TAAR2: variants seen among roughly 807,000 people sequenced by gnomAD.
TAAR2 encodes trace amine associated receptor 2.
TAAR2 carries 30 observed loss-of-function variants against 25.5 expected under a neutral mutation model. That is an observed-to-expected ratio of 1.18 (90% CI 0.88 to 1.60). The LOEUF (loss-of-function observed/expected upper bound fraction) is 1.60. TAAR2 is among the 40% of genes most tolerant of loss of function. The pLI is 0.00. For missense variants in TAAR2, 481 were observed against 416.5 expected (o/e 1.15, Z -1.35); for synonymous variants, 150 against 142.4 (o/e 1.05, Z -0.38).
chr6:132,620,668 C>G (rs1348454837), intron 1 of TAAR2, among the ~76,000 whole-genome samples: 3 of 152,012 alleles, frequency 2.0e-5, no homozygotes, highest in African/African-American at 7.3e-5. Flanking sequence ...GAAAAGATAA[C>G]TATTGGGTAC....
At chr6:132,620,117 G>A (rs1166421511) in intron 1 of TAAR2, among the ~76,000 whole-genome samples, 3 of 152,154 alleles carry the variant, frequency 2.0e-5, no homozygotes, top group Admixed American at 1.3e-4. Context: ...TTAAATTAAA[G>A]TAATTAAGTT....
At position 132,617,960 on chromosome 6, in the gene TAAR2, G is replaced by A. The variant is rs907058947; in HGVS notation, c.246C>T (p.Ile82=). Residue 82 remains isoleucine (I), a synonymous_variant, in exon 2 of 2, where the codon ATC becomes ATT. Transcript: ENST00000367931. ...GGAAATCAGTGATGGCCATGGAGAG[G>A]ATGAGGAAGTTGGTTGGTGTGTGAA... The part of the protein sequence containing the change: ...KQLHTPTNFL[I]LSMAITDFLL... The A allele has an allele frequency of 6.2e-7, 1 of 1,614,048 alleles. No homozygotes were observed. Among genetic ancestry groups the A allele is most frequent in the South Asian group, 1.1e-5 (1 of 91,080 alleles).
At chr6:132,621,518 G>T (rs1458035031) in intron 1 of TAAR2, among the ~76,000 whole-genome samples, 1 of 151,932 alleles carries the variant, frequency 6.6e-6, no homozygotes, top group African/African-American at 2.4e-5. Context: ...TGTGGTGTTT[G>T]GTTTTCTGTT....
intron 1 of TAAR2, among the ~76,000 whole-genome samples, chr6:132,619,341 G>A (rs80327541): frequency 6.6e-6 from 1 of 152,276 alleles, no homozygotes; most frequent in Non-Finnish European, 1.5e-5. Context: ...AATGTAACAC[G>A]TTCATGAGTT....
chr6:132,617,734 G>A lies in TAAR2; in HGVS notation c.472C>T (p.Pro158Ser). 1 of 1,613,936 alleles carries A rather than the reference G, an allele frequency of 6.2e-7. No homozygotes were observed. The highest frequency in any genetic ancestry group is 8.5e-7 in the Non-Finnish European group (1 of 1,179,974). Reference protein sequence around the residue: ...PLLYSTKITIPVIKRLLLLCW... With the variant: ...PLLYSTKITISVIKRLLLLCW... ...AGAAGTAGCAATCTTTTAATGACTGGAATAGTTATTTTGGTGGAATAAAGT... is the reference window on the plus strand; with the variant it reads ...AGAAGTAGCAATCTTTTAATGACTGAAATAGTTATTTTGGTGGAATAAAGT... The change falls in exon 2 of 2, where the codon CCA becomes TCA. Residue 158 changes from proline (P) to serine (S), a missense_variant. Pro to Ser is a moderately conservative substitution (Grantham distance 74, BLOSUM62 -1). Coordinates refer to ENST00000367931, the MANE Select transcript of TAAR2 (RefSeq NM_001033080.1).
In TAAR2 at chr6:132,617,597, C is replaced by T. The variant is rs755317518; in HGVS notation, c.609G>A (p.Val203=). 9.3e-6 allele frequency: 15 copies of T among 1,614,034 alleles called. No individual in the cohort carries two copies. The South Asian group carries it at 1.1e-4, about 12-fold the overall frequency. The change falls in exon 2 of 2, where the codon GTG becomes GTA. Residue 203 remains valine (V), a synonymous_variant. Coordinates refer to ENST00000367931, the MANE Select transcript of TAAR2 (RefSeq NM_001033080.1). ...TGGTCCCCCATAGCTTGTTGAACATCACTGGGCAGGAACTGGAACAAGCAA... is the reference window on the plus strand; with the variant it reads ...TGGTCCCCCATAGCTTGTTGAACATTACTGGGCAGGAACTGGAACAAGCAA... ...ILVACSSSCP[V]MFNKLWGTTL... is the part of the protein sequence containing the mutation.
intron 1 of TAAR2, among the ~76,000 whole-genome samples, chr6:132,620,163 A>G (rs1777354279): frequency 6.6e-6 from 1 of 152,216 alleles, no homozygotes; most frequent in African/African-American, 2.4e-5. Context: ...TGAAATTAAA[A>G]GCTTCCTCCA....
intron 1 of TAAR2, among the ~76,000 whole-genome samples, chr6:132,621,356 C>A (rs577409035): frequency 9.9e-5 from 15 of 152,082 alleles, no homozygotes; most frequent in Admixed American, 3.9e-4. Flanking sequence ...GTCAACCCAC[C>A]TTCTAGGTTT....
At chr6:132,620,887 A>C (rs72987672) in intron 1 of TAAR2, among the ~76,000 whole-genome samples, 13,288 of 122,340 alleles carry the variant, frequency 0.11, 798 homozygotes, top group Non-Finnish European at 0.14. Context: ...GTCACACACA[A>C]AAAAAAAGAC....
chr6:132,623,781 A>G (rs1777408532), intron 1 of TAAR2, among the ~76,000 whole-genome samples: 1 of 151,744 alleles, frequency 6.6e-6, no homozygotes, highest in Non-Finnish European at 1.5e-5. Context: ...CCACTCCTCC[A>G]TCCTCCCAGG....
At chr6:132,618,410 CA>C (rs1405869613) in intron 1 of TAAR2, among the ~76,000 whole-genome samples, 2 of 152,086 alleles carry the variant, frequency 1.3e-5, no homozygotes. Flanking sequence ...GAGGTCGAGG[CA>C]GGGGGAGCAC....
intron 1 of TAAR2, among the ~76,000 whole-genome samples, chr6:132,621,787 T>A (rs1161695054): frequency 1.3e-5 from 2 of 152,160 alleles, no homozygotes; most frequent in Non-Finnish European, 1.5e-5. Context: ...GAATTCCTCA[T>A]ACACATGCCA....
Position 132,617,619 on chromosome 6 carries a change from G to A in TAAR2, c.587C>T (p.Ala196Val), listed in dbSNP as rs143686646. The A allele has an allele frequency of 1.2e-6, 2 of 1,613,982 alleles. No individual in the cohort carries two copies. The highest frequency in any genetic ancestry group is 1.1e-5 in the South Asian group (1 of 91,080). The stretch of plus-strand genomic sequence containing the variant: ...CATCACTGGGCAGGAACTGGAACAA[G>A]CAACCAAGATGTCATAGCCCTCTAT... Reference protein sequence around the residue: ...DGIEGYDILVACSSSCPVMFN... With the variant: ...DGIEGYDILVVCSSSCPVMFN... The change falls in exon 2 of 2, where the codon GCT (alanine) becomes GTT (valine). Residue 196 changes from alanine to valine, a missense_variant. Ala to Val is a moderately conservative substitution (Grantham distance 64). Transcript: ENST00000367931.
chr6:132,621,896 A>C (rs1485061937), intron 1 of TAAR2, among the ~76,000 whole-genome samples: 1 of 152,152 alleles, frequency 6.6e-6, no homozygotes, highest in Non-Finnish European at 1.5e-5. Flanking sequence ...TTTATTTGAC[A>C]TAGTTCTTTC....
chr6:132,620,830 T>C, intron 1 of TAAR2, among the ~76,000 whole-genome samples: 1 of 150,194 alleles, frequency 6.7e-6, no homozygotes, highest in East Asian at 2.0e-4. Context: ...CATTAAAAAG[T>C]AGGGGTTTCT....
Position 132,624,222 on chromosome 6 carries a change from T to TG in TAAR2, c.53dup (p.Glu21GlyfsTer7). The TG allele has an allele frequency of 6.2e-7, 1 of 1,613,502 alleles. No homozygotes were observed. Among genetic ancestry groups the TG allele is most frequent in the Non-Finnish European group, 8.5e-7 (1 of 1,179,650 alleles). On this transcript the variant is annotated frameshift_variant, in exon 1 of 2. Transcript: ENST00000367931. LOFTEE classifies it high-confidence loss of function. ...CATATGTTTAAGGGCCTACCTTTTT[T>TG]GTCTGTGTTCTTTTGAAATGTGAAA...
intron 1 of TAAR2, among the ~76,000 whole-genome samples, chr6:132,623,266 T>A (rs1052406698): frequency 6.6e-6 from 1 of 152,206 alleles, no homozygotes; most frequent in Non-Finnish European, 1.5e-5. Context: ...ATTCTAAATA[T>A]TCTTCCCAGG....
intron 1 of TAAR2, among the ~76,000 whole-genome samples, chr6:132,622,478 CTTTTT>C (rs1156767001): frequency 8.7e-5 from 5 of 57,398 alleles, no homozygotes; most frequent in African/African-American, 1.6e-4. Flanking sequence ...TTAGTAACCA[CTTTTT>C]TTTTTTTTTT....
intron 1 of TAAR2, among the ~76,000 whole-genome samples, chr6:132,621,792 A>G (rs2114613018): frequency 6.6e-6 from 1 of 152,252 alleles, no homozygotes; most frequent in African/African-American, 2.4e-5. Context: ...CCTCATACAC[A>G]TGCCACAAAG....
Sources: gnomAD v4.1 joint callset for allele counts (sites outside exome capture counted in the v4.1 genomes callset) on GRCh38, gnomAD v4.1.1 for gene constraint, MANE v1.5 for transcripts, NCBI Gene and HGNC (gene_info 2026-07-23, HGNC 2026-07-21) for gene names.